GRIK2: variants seen among roughly 807,000 people sequenced by gnomAD.
GRIK2 encodes glutamate receptor ionotropic, kainate 2.
A neutral mutation model predicts 100.3 loss-of-function variants in GRIK2; 32 were observed. The ratio of observed to expected loss-of-function variants is 0.32; its 90% confidence interval spans 0.24 to 0.43. GRIK2 has a LOEUF of 0.43. Ranked by LOEUF, GRIK2 falls within the 20% of genes least tolerant of loss-of-function variation. The pLI, the probability that GRIK2 is intolerant of heterozygous loss-of-function variation, is 1.00. For synonymous variants in GRIK2, 417 were observed against 389.4 expected (o/e 1.07, Z -0.83); for missense variants, 843 against 1,114.9 (o/e 0.76, Z 3.47).
chr6:101,914,172 C>A (rs957033255), intron 12 of GRIK2, among the ~76,000 whole-genome samples: 4 of 150,906 alleles, frequency 2.7e-5, no homozygotes, highest in African/African-American at 9.7e-5. Context: ...AGGCAATAAA[C>A]TTTGGTGATG....
At chr6:101,906,751 G>A (rs1788260263) in intron 12 of GRIK2, among the ~76,000 whole-genome samples, 1 of 151,732 alleles carries the variant, frequency 6.6e-6, no homozygotes. Flanking sequence ...AGTACAACAA[G>A]TAGCAATTTT....
intron 7 of GRIK2, among the ~76,000 whole-genome samples, chr6:101,725,110 G>A (rs548976767): frequency 6.6e-6 from 1 of 152,054 alleles, no homozygotes; most frequent in Admixed American, 6.6e-5. Flanking sequence ...CGGGCTTATG[G>A]CTTTACACGG....
chr6:101,741,616 G>A (rs1776037145), intron 7 of GRIK2, among the ~76,000 whole-genome samples: 1 of 152,190 alleles, frequency 6.6e-6, no homozygotes, highest in African/African-American at 2.4e-5. Context: ...TGATGCTAAT[G>A]AGAATAGGAA....
At chr6:101,625,155 C>A (rs1431597130) in intron 3 of GRIK2, among the ~76,000 whole-genome samples, 1 of 151,854 alleles carries the variant, frequency 6.6e-6, no homozygotes, top group Non-Finnish European at 1.5e-5. Flanking sequence ...GGGTGGATCA[C>A]GAGGTCAGGA....
intron 12 of GRIK2, among the ~76,000 whole-genome samples, chr6:101,912,214 C>T (rs1376323989): frequency 1.3e-5 from 2 of 151,226 alleles, no homozygotes; most frequent in East Asian, 3.9e-4. Flanking sequence ...GGCTAACTTG[C>T]ACAGACATCC....
intron 10 of GRIK2, among the ~76,000 whole-genome samples, chr6:101,838,686 T>C (rs1783303054): frequency 6.6e-6 from 1 of 151,134 alleles, no homozygotes; most frequent in Admixed American, 6.6e-5. Context: ...AGACTTGCTC[T>C]TGTTGCCCAG....
chr6:101,729,806 AT>A (rs1446664956), intron 7 of GRIK2, among the ~76,000 whole-genome samples: 1 of 151,928 alleles, frequency 6.6e-6, no homozygotes, highest in African/African-American at 2.4e-5. Context: ...GTGAAAATAG[AT>A]TTGTCTAACA....
chr6:102,003,837 G>A (rs963419592), intron 14 of GRIK2, among the ~76,000 whole-genome samples: 1 of 151,642 alleles, frequency 6.6e-6, no homozygotes, highest in Non-Finnish European at 1.5e-5. Context: ...AGAACTTTCT[G>A]TATAGTGTAA....
intron 14 of GRIK2, among the ~76,000 whole-genome samples, chr6:101,985,558 T>C (rs1310819075): frequency 1.3e-5 from 2 of 151,748 alleles, no homozygotes; most frequent in African/African-American, 4.8e-5. Context: ...TAAGCTTTGC[T>C]TAGTGAAGCA....
chr6:101,643,563 G>C (rs1462380773), intron 4 of GRIK2, among the ~76,000 whole-genome samples: 1 of 151,560 alleles, frequency 6.6e-6, no homozygotes, highest in African/African-American at 2.4e-5. Context: ...GTTTATTTCT[G>C]AGCTCTCTAT....
At chr6:101,587,436 C>G (rs2128305309) in intron 2 of GRIK2, among the ~76,000 whole-genome samples, 1 of 152,206 alleles carries the variant, frequency 6.6e-6, no homozygotes, top group East Asian at 1.9e-4. Flanking sequence ...ATCCATCCTT[C>G]CTACCTACTT....
intron 2 of GRIK2, among the ~76,000 whole-genome samples, chr6:101,425,213 T>C (rs1019320066): frequency 6.6e-6 from 1 of 152,210 alleles, no homozygotes; most frequent in Non-Finnish European, 1.5e-5. Flanking sequence ...ATGGTATTTC[T>C]GGTTCTAGAT....
At chr6:101,707,119 A>C (rs1053054920) in intron 7 of GRIK2, among the ~76,000 whole-genome samples, 1 of 151,866 alleles carries the variant, frequency 6.6e-6, no homozygotes, top group Non-Finnish European at 1.5e-5. Flanking sequence ...AAGCAACAAC[A>C]AAAACCTTAC....
chr6:101,622,353 A>G (rs1780206364), intron 3 of GRIK2, among the ~76,000 whole-genome samples: 1 of 152,064 alleles, frequency 6.6e-6, no homozygotes, highest in Non-Finnish European at 1.5e-5. Flanking sequence ...TTTTTTTTCT[A>G]TTGATCCTTC....
chr6:102,023,647 A>G (rs1175781291), intron 14 of GRIK2, among the ~76,000 whole-genome samples: 1 of 151,548 alleles, frequency 6.6e-6, no homozygotes, highest in African/African-American at 2.4e-5. Context: ...GTTGTAGAGA[A>G]TAAGTTGAAA....
At chr6:101,549,605 A>G (rs564258393) in intron 2 of GRIK2, among the ~76,000 whole-genome samples, 6 of 152,028 alleles carry the variant, frequency 3.9e-5, no homozygotes, top group Non-Finnish European at 4.4e-5. Flanking sequence ...CTTTTAGTTT[A>G]AGTTTTTAGA....
At chr6:101,715,066 C>G (rs996864136) in intron 7 of GRIK2, among the ~76,000 whole-genome samples, 1 of 150,734 alleles carries the variant, frequency 6.6e-6, no homozygotes, top group African/African-American at 2.4e-5. Flanking sequence ...ATATAAAATA[C>G]CACAAAAAAA....
chr6:101,857,033 A>T (rs1784459433), intron 10 of GRIK2, among the ~76,000 whole-genome samples: 1 of 152,162 alleles, frequency 6.6e-6, no homozygotes, highest in African/African-American at 2.4e-5. Context: ...GATTTCATTG[A>T]ATGACAGCAA....
In GRIK2 at chr6:101,890,880, C is replaced by T. The variant is rs767393990; in HGVS notation, c.1748+1017C>T. ...ATTCATTATATTCTTTGAATTTTTA[C>T]GTTTTTTTAAATATCAAAAAGATAA... On this transcript the variant is annotated intron_variant, in intron 12 of 16. Transcript: ENST00000369134. 1.2e-4 allele frequency among the ~76,000 whole-genome samples: 18 copies of T among 150,470 alleles called. No homozygotes were observed. The East Asian group carries it at 1.8e-3, about 15-fold the overall frequency.
Sources: allele counts gnomAD v4.1 joint callset (sites outside exome capture counted in the v4.1 genomes callset), GRCh38; gene constraint gnomAD v4.1.1; transcripts MANE v1.5; gene names NCBI Gene and HGNC (gene_info 2026-07-23, HGNC 2026-07-21).